Variants in LAMA5 observed in about 807,000 individuals in gnomAD.
LAMA5 encodes the protein laminin subunit alpha 5, also known as laminin subunit alpha-5.
LAMA5 carries 260 observed loss-of-function variants against 433.4 expected under a neutral mutation model. That is an observed-to-expected ratio of 0.60 (90% CI 0.54 to 0.66). The LOEUF (loss-of-function observed/expected upper bound fraction) is 0.66, where lower values mean the gene tolerates loss of function less well. Ranked by LOEUF, LAMA5 falls within the 30% of genes least tolerant of loss-of-function variation. LAMA5 has a pLI of 0.00. For missense variants in LAMA5, 5,378 were observed against 5,258.5 expected, an observed-to-expected ratio of 1.02 and a Z score of -0.70; for synonymous variants, 2,620 against 2,226.6, an observed-to-expected ratio of 1.18 and a Z score of -4.97.
At chr20:62,349,052 G>A (rs561369026) in intron 6 of LAMA5, among the ~76,000 whole-genome samples, 13 of 151,960 alleles carry the variant, frequency 8.6e-5, no homozygotes, top group Admixed American at 4.6e-4. Context: ...GGTGGATCAC[G>A]AGGTCAGGAG....
chr20:62,343,774 C>CAAA (rs11474754), intron 11 of LAMA5, among the ~76,000 whole-genome samples: 1,994 of 61,392 alleles, frequency 0.032, 107 homozygotes, highest in Non-Finnish European at 0.054. Flanking sequence ...GAAACTCCAT[C>CAAA]AAAAAAAAAA....
At chr20:62,366,595 C>T (rs1288109191) in intron 1 of LAMA5, among the ~76,000 whole-genome samples, 1 of 152,226 alleles carries the variant, frequency 6.6e-6, no homozygotes, top group Non-Finnish European at 1.5e-5. Context: ...CCCTCCCCAC[C>T]GGCAGCAGGC....
Position 62,319,754 on chromosome 20 carries a change from G to T in LAMA5, c.6801C>A (p.Gly2267=). 1.3e-6 allele frequency: 2 copies of T among 1,548,952 alleles called. No individual in the cohort carries two copies. Among genetic ancestry groups the T allele is most frequent in the Non-Finnish European group, 8.7e-7 (1 of 1,147,288 alleles). The change falls in exon 51 of 80, where the codon GGC becomes GGA. Residue 2267 remains glycine, a synonymous_variant. Transcript: ENST00000252999. ...TRDQASQLLA[G]TEATLGHAKT... The stretch of plus-strand genomic sequence containing the variant: ...TCGCATGGCCCAGTGTGGCCTCGGT[G>T]CCGGCCAGCAATTGGCTCGCCTGGT...
Position 62,335,026 on chromosome 20 carries a change from C to G in LAMA5, c.2477G>C (p.Cys826Ser). Residue 826 changes from cysteine (C) to serine (S), a missense_variant, in exon 20 of 80, where the codon TGC (cysteine) becomes TCC (serine). Physicochemically the swap from Cys to Ser is moderately radical, Grantham distance 112. Coordinates refer to ENST00000252999, the MANE Select transcript of LAMA5 (RefSeq NM_005560.6). ...ACGAGCGAGTGGGCACTCACTGCGG[C>G]AGCCAAAATAGTCAGCCTGATCCAG... The part of the protein sequence containing the change: ...FGLDQADYFG[C>S]RSCRCDIGGA... The G allele has an allele frequency of 6.2e-7, 1 of 1,612,694 alleles. No homozygotes were observed. Among genetic ancestry groups the G allele is most frequent in the Non-Finnish European group, 8.5e-7 (1 of 1,179,574 alleles).
At chr20:62,318,695 C>T (rs1987322331) in intron 52 of LAMA5, 45 bp from the exon 53 acceptor site, 1 of 1,593,330 alleles carries the variant, frequency 6.3e-7, no homozygotes, top group Non-Finnish European at 8.6e-7. Flanking sequence ...AAGCCAGGCC[C>T]CTTCATGACC....
chr20:62,323,143 T>A (rs562687586), intron 45 of LAMA5, among the ~76,000 whole-genome samples: 1 of 75,294 alleles, frequency 1.3e-5, no homozygotes, highest in East Asian at 4.0e-4. Flanking sequence ...TGATCATGGG[T>A]AGGGGAGGGG....
intron 62 of LAMA5, 90 bp downstream of exon 62, chr20:62,314,214 G>C (rs1328695274): frequency 4.1e-6 from 6 of 1,478,344 alleles, no homozygotes; most frequent in Middle Eastern, 2.4e-4. Flanking sequence ...AGAGGTGAAG[G>C]GTGGTGGGTG....
chr20:62,361,901 G>A (rs1276688077), intron 2 of LAMA5, among the ~76,000 whole-genome samples: 2 of 152,202 alleles, frequency 1.3e-5, no homozygotes, highest in Non-Finnish European at 2.9e-5. Context: ...GGAGAGCCCA[G>A]AGCTGGGGAC....
Position 62,329,124 on chromosome 20 carries a change from A to C in LAMA5, c.4235+14T>G. On this transcript the variant is annotated intron_variant, in intron 33 of 79. Coordinates refer to ENST00000252999, the MANE Select transcript of LAMA5 (RefSeq NM_005560.6). Reference sequence around the variant, plus strand: ...CCCCACCCCGGACCCCTGACCTGCCAGAGCCCTGCCCACCTGATGTGGTAG... The same window carrying C: ...CCCCACCCCGGACCCCTGACCTGCCCGAGCCCTGCCCACCTGATGTGGTAG... The C allele has an allele frequency of 6.2e-7, 1 of 1,612,274 alleles. No homozygotes were observed. Among genetic ancestry groups the C allele is most frequent in the Non-Finnish European group, 8.5e-7 (1 of 1,179,442 alleles).
intron 17 of LAMA5, 126 bp from the exon 18 acceptor site, chr20:62,336,571 C>T: frequency 8.9e-7 from 1 of 1,120,004 alleles, no homozygotes; most frequent in East Asian, 2.5e-5. Flanking sequence ...TCACAGGAGT[C>T]ACCTGCAGTG....
At chr20:62,364,307 C>G (rs1445104912) in intron 1 of LAMA5, among the ~76,000 whole-genome samples, 1 of 152,322 alleles carries the variant, frequency 6.6e-6, no homozygotes, top group Middle Eastern at 3.4e-3. Context: ...CTGGCTGGGA[C>G]AGCCGGACCT....
rs45527634 is a variant in LAMA5, at chr20:62,345,852, G to A, written c.1443C>T (p.Thr481=). The part of the protein sequence containing the change: ...CYPTPSSSND[T]REQVLPAGQI... Reference sequence around the variant, plus strand: ...GGCCGGCTGGCAGCACCTGCTCCCTGGTGTCATTGGAGGACGAGGGCGTCG... The same window carrying A: ...GGCCGGCTGGCAGCACCTGCTCCCTAGTGTCATTGGAGGACGAGGGCGTCG... The change falls in exon 11 of 80, where the codon ACC becomes ACT. Residue 481 remains threonine (T), a synonymous_variant. Transcript: ENST00000252999. 0.013 allele frequency: 20,713 copies of A among 1,552,614 alleles called. 164 individuals are homozygous for A. Among genetic ancestry groups the A allele is most frequent in the Non-Finnish European group, 0.015 (17,559 of 1,147,876 alleles).
intron 2 of LAMA5, among the ~76,000 whole-genome samples, chr20:62,362,136 C>A (rs1986194478): frequency 6.6e-6 from 1 of 152,242 alleles, no homozygotes; most frequent in African/African-American, 2.4e-5. Context: ...CACCCGCAAC[C>A]AAACTCTGTG....
intron 10 of LAMA5, 74 bp from the exon 11 acceptor site, chr20:62,345,951 GTC>G (rs923184244): frequency 1.9e-6 from 3 of 1,563,726 alleles, no homozygotes; most frequent in African/African-American, 2.7e-5. Flanking sequence ...GCCACCCTTG[GTC>G]TCTCAGCACA....
At chr20:62,319,561 G>A (rs561894505) in intron 51 of LAMA5, 123 bp downstream of exon 51, 503 of 674,626 alleles carry the variant, frequency 7.5e-4, no homozygotes, top group Non-Finnish European at 7.5e-4. Context: ...CAGAGGCGTC[G>A]TCTCCCATCT....
In LAMA5 at chr20:62,362,482, C is replaced by T. The variant is rs1986247093; in HGVS notation, c.368G>A (p.Gly123Asp). The T allele has an allele frequency of 1.2e-6, 2 of 1,604,828 alleles. No homozygotes were observed. Among genetic ancestry groups the T allele is most frequent in the African/African-American group, 1.3e-5 (1 of 74,672 alleles). Residue 123 changes from glycine to aspartate, a missense_variant, in exon 2 of 80, where the codon GGC becomes GAC. Gly to Asp is a moderately conservative substitution (Grantham distance 94, BLOSUM62 -1). Coordinates refer to ENST00000252999, the MANE Select transcript of LAMA5 (RefSeq NM_005560.6). ...KAHPASNAIDGTERWWQSPPL... is the reference protein window; with the variant it reads ...KAHPASNAIDDTERWWQSPPL... ...TGGACTCTGCCACCAGCGCTCCGTG[C>T]CATCGATGGCATTGCTCGCGGGGTG...
In LAMA5 at chr20:62,332,480, G is replaced by A. The variant is rs755573950; in HGVS notation, c.3444C>T (p.Ser1148=). The A allele has an allele frequency of 1.9e-6, 3 of 1,612,046 alleles. No homozygotes were observed. The highest frequency in any genetic ancestry group is 2.5e-6 in the Non-Finnish European group (3 of 1,179,520). ...CCCGGGCAGTGCCCCGGCACAGGGT[G>A]CTGTGGGGGGAGGGTGGTCAGCAGG... ...GLLSLHPCLY[S]TLCRGTARDT... is the part of the protein sequence containing the mutation. Residue 1148 remains serine (S), a splice_region_variant and synonymous_variant, in exon 28 of 80, where the codon AGC becomes AGT. Transcript: ENST00000252999.
chr20:62,355,015 C>T (rs1315766099), intron 2 of LAMA5, among the ~76,000 whole-genome samples: 3 of 152,216 alleles, frequency 2.0e-5, no homozygotes, highest in African/African-American at 7.2e-5. Flanking sequence ...GCCTGCCTGT[C>T]CCGGCCCACA....
At chr20:62,323,143 T>G (rs562687586) in intron 45 of LAMA5, among the ~76,000 whole-genome samples, 16 of 75,280 alleles carry the variant, frequency 2.1e-4, no homozygotes, top group South Asian at 1.1e-3. Context: ...TGATCATGGG[T>G]AGGGGAGGGG....
Sources: allele counts gnomAD v4.1 joint callset (sites outside exome capture counted in the v4.1 genomes callset), GRCh38; gene constraint gnomAD v4.1.1; transcripts MANE v1.5; gene names NCBI Gene and HGNC (gene_info 2026-07-23, HGNC 2026-07-21).